The following ARFGEF2 variants were observed in gnomAD, a reference collection of about 807,000 sequenced individuals.
The protein encoded by ARFGEF2 is brefeldin A-inhibited guanine nucleotide-exchange protein 2.
A neutral mutation model predicts 219.9 loss-of-function variants in ARFGEF2; 74 were observed. The observed-to-expected ratio is 0.34, with a 90% CI of 0.28 to 0.41. The LOEUF (loss-of-function observed/expected upper bound fraction) is 0.41, where lower values mean the gene tolerates loss of function less well. Among genes scored for constraint, ARFGEF2 ranks in the 10% least tolerant of loss-of-function variants. The probability of loss-of-function intolerance (pLI) is 1.00; values close to 1 mark genes in which losing one functional copy is unlikely to be tolerated. For missense variants in ARFGEF2, 1,743 were observed against 2,218.3 expected (o/e 0.79, Z 4.30); for synonymous variants, 733 against 799.2 (o/e 0.92, Z 1.40).
chr20:48,968,335 CT>C (rs202215033), intron 8 of ARFGEF2, among the ~76,000 whole-genome samples: 23 of 151,290 alleles, frequency 1.5e-4, no homozygotes, highest in African/African-American at 2.2e-4. Flanking sequence ...TGTAATTTAC[CT>C]TTTTTTTAGG....
intron 1 of ARFGEF2, among the ~76,000 whole-genome samples, chr20:48,933,455 G>T (rs1382424349): frequency 6.6e-6 from 1 of 152,020 alleles, no homozygotes; most frequent in African/African-American, 2.4e-5. Context: ...TGGATGATTA[G>T]AGTGTTCCTG....
At chr20:49,023,569 C>T (rs1307857603) in intron 35 of ARFGEF2, among the ~76,000 whole-genome samples, 3 of 146,682 alleles carry the variant, frequency 2.0e-5, no homozygotes, top group Non-Finnish European at 4.5e-5. Flanking sequence ...GACGGAGTCT[C>T]GCTCTGTCGC....
intron 3 of ARFGEF2, among the ~76,000 whole-genome samples, chr20:48,949,903 A>C (rs998949448): frequency 9.2e-5 from 14 of 152,332 alleles, no homozygotes; most frequent in Admixed American, 2.0e-4. Flanking sequence ...TATATGTGCC[A>C]GATGAGTGAT....
At chr20:48,995,485 A>T (rs759236808) in intron 22 of ARFGEF2, among the ~76,000 whole-genome samples, 14 of 152,214 alleles carry the variant, frequency 9.2e-5, no homozygotes, top group Non-Finnish European at 2.1e-4. Flanking sequence ...ATTAATATCA[A>T]TTGATTCAAA....
rs1323060253 is a variant in ARFGEF2, at chr20:48,921,752, GC to G, written c.-136del. The G allele has an allele frequency of 5.5e-6, 5 of 914,668 alleles. No homozygotes were observed. Among genetic ancestry groups the G allele is most frequent in the Non-Finnish European group, 6.9e-6 (5 of 726,248 alleles). 56.7% of individuals were successfully genotyped at this position (914,668 alleles called of 1,614,324 possible). A position where few individuals can be genotyped will look rare whatever the true frequency, so the allele number is the denominator to read the frequency against. ...CGCTCCAACATGGCGGCGCCGTGGG[GC>G]CGAGGTGTCGCTTCCTGACGGGGCG... On this transcript the variant is annotated 5_prime_UTR_variant, in exon 1 of 39. An upstream open reading frame in the 5' UTR loses its in-frame stop. Coordinates refer to ENST00000371917, the MANE Select transcript of ARFGEF2 (RefSeq NM_006420.3).
At chr20:49,028,428 C>A in intron 36 of ARFGEF2, 102 bp from the exon 37 acceptor site, 1 of 1,324,530 alleles carries the variant, frequency 7.5e-7, no homozygotes, top group Non-Finnish European at 1.1e-6. Flanking sequence ...AAGAAAAAAA[C>A]AGATGTTTCA....
At chr20:48,961,107 A>AATAATAATAATAATAAT (rs1185307686) in intron 6 of ARFGEF2, among the ~76,000 whole-genome samples, 1 of 148,892 alleles carries the variant, frequency 6.7e-6, no homozygotes, top group Non-Finnish European at 1.5e-5. Context: ...TAATAATAAT[A>AATAATAATAATAATAAT]ATAATTTTCT....
chr20:48,964,274 G>A (rs536558515), intron 7 of ARFGEF2, among the ~76,000 whole-genome samples: 12 of 152,268 alleles, frequency 7.9e-5, no homozygotes, highest in Middle Eastern at 6.8e-3. Flanking sequence ...GCGTGGTGGC[G>A]CACGCCTGTA....
Position 48,952,814 on chromosome 20 carries a change from A to G in ARFGEF2, c.533A>G (p.Asn178Ser), listed in dbSNP as rs747058589. ...NIYLASKNLI[N>S]QTTAKATLTQ... Reference sequence around the variant, plus strand: ...TATTTGGCCAGCAAAAATCTCATCAATCAAACCACTGCCAAGGCTACCCTT... The same window carrying G: ...TATTTGGCCAGCAAAAATCTCATCAGTCAAACCACTGCCAAGGCTACCCTT... The change falls in exon 5 of 39, where the codon AAT (asparagine) becomes AGT (serine). Residue 178 changes from asparagine (N) to serine (S), a missense_variant. Asn to Ser is a conservative substitution (Grantham distance 46). Coordinates refer to ENST00000371917, the MANE Select transcript of ARFGEF2 (RefSeq NM_006420.3). The G allele has an allele frequency of 4.7e-5, 76 of 1,614,112 alleles. No individual in the cohort carries two copies. Among genetic ancestry groups the G allele is most frequent in the Non-Finnish European group, 6.2e-5 (73 of 1,180,052 alleles).
Position 48,921,762 on chromosome 20 carries a change from C to A in ARFGEF2, c.-128C>A. The A allele has an allele frequency of 3.9e-6, 4 of 1,026,676 alleles. No individual in the cohort carries two copies. Among genetic ancestry groups the A allele is most frequent in the Non-Finnish European group, 4.9e-6 (4 of 824,116 alleles). 63.6% of individuals were successfully genotyped at this position (1,026,676 alleles called of 1,614,324 possible). On this transcript the variant is annotated 5_prime_UTR_variant, in exon 1 of 39. Coordinates refer to ENST00000371917, the MANE Select transcript of ARFGEF2 (RefSeq NM_006420.3). Reference sequence around the variant, plus strand: ...TGGCGGCGCCGTGGGGCCGAGGTGTCGCTTCCTGACGGGGCGGCGCGGACG... The same window carrying A: ...TGGCGGCGCCGTGGGGCCGAGGTGTAGCTTCCTGACGGGGCGGCGCGGACG...
chr20:48,978,554 C>T (rs940703688), intron 14 of ARFGEF2, among the ~76,000 whole-genome samples: 12 of 152,250 alleles, frequency 7.9e-5, no homozygotes, highest in African/African-American at 2.6e-4. Context: ...TATAAATTAC[C>T]TTGGGCAGTA....
Position 48,988,406 on chromosome 20 carries a change from T to A in ARFGEF2, c.2361+18T>A. The A allele has an allele frequency of 6.2e-7, 1 of 1,612,694 alleles. No individual in the cohort carries two copies. Among genetic ancestry groups the A allele is most frequent in the Non-Finnish European group, 8.5e-7 (1 of 1,179,084 alleles). The stretch of plus-strand genomic sequence containing the variant: ...GTCCTCAGGTAAAGCACTTTAATGA[T>A]TTACATGTTGTATTAGCTAAATAAG... On this transcript the variant is annotated intron_variant, in intron 17 of 38. Transcript: ENST00000371917.
chr20:48,947,655 GT>G (rs1325495164), intron 3 of ARFGEF2, among the ~76,000 whole-genome samples: 2 of 151,758 alleles, frequency 1.3e-5, no homozygotes, highest in Non-Finnish European at 2.9e-5. Context: ...GAACTCAGGA[GT>G]TTAAGACCAG....
chr20:48,996,095 G>C (rs1330240667), intron 23 of ARFGEF2, among the ~76,000 whole-genome samples: 1 of 152,074 alleles, frequency 6.6e-6, no homozygotes, highest in East Asian at 1.9e-4. Flanking sequence ...AGAGTTTTTC[G>C]CTTATGTTGA....
intron 26 of ARFGEF2, among the ~76,000 whole-genome samples, chr20:49,005,988 A>G (rs1303634883): frequency 6.6e-6 from 1 of 152,010 alleles, no homozygotes; most frequent in Non-Finnish European, 1.5e-5. Flanking sequence ...GGTACTATAA[A>G]GAAGACATTT....
In ARFGEF2 at chr20:49,025,492, A is replaced by G. The variant is rs369063674; in HGVS notation, c.4924+11A>G. The stretch of plus-strand genomic sequence containing the variant: ...TCCTGTGGCGAGCAGGTAAGGCCAC[A>G]CAGCAGATAAGATAGATGGCCACAC... On this transcript the variant is annotated intron_variant, in intron 36 of 38. Coordinates refer to ENST00000371917, the MANE Select transcript of ARFGEF2 (RefSeq NM_006420.3). 6.2e-7 allele frequency: 1 copy of G among 1,613,718 alleles called. No homozygotes were observed.
intron 37 of ARFGEF2, 72 bp from the exon 38 acceptor site, chr20:49,031,977 T>A: frequency 9.5e-7 from 1 of 1,057,978 alleles, no homozygotes; most frequent in Non-Finnish European, 1.5e-6. Flanking sequence ...AGCACAAGAA[T>A]GAATAGTTCT....
At chr20:48,967,017 T>A (rs2091192270) in intron 8 of ARFGEF2, among the ~76,000 whole-genome samples, 1 of 152,100 alleles carries the variant, frequency 6.6e-6, no homozygotes. Context: ...TGGCTAATTT[T>A]TTATTATTAT....
At chr20:49,010,063 A>G (rs775309710) in intron 26 of ARFGEF2, among the ~76,000 whole-genome samples, 169 bp from the exon 27 acceptor site, 2 of 152,200 alleles carry the variant, frequency 1.3e-5, no homozygotes, top group Admixed American at 6.5e-5. Flanking sequence ...AGCTCTATGC[A>G]GCATGCTAGG....
Sources: allele counts gnomAD v4.1 joint callset (sites outside exome capture counted in the v4.1 genomes callset), GRCh38; gene constraint gnomAD v4.1.1; transcripts MANE v1.5; gene names NCBI Gene and HGNC (gene_info 2026-07-23, HGNC 2026-07-21).